The following ITGAM variants were observed in gnomAD, a reference collection of about 807,000 sequenced individuals.
The protein encoded by ITGAM is integrin alpha-M.
A neutral mutation model predicts 137.5 loss-of-function variants in ITGAM; 79 were observed. The ratio of observed to expected loss-of-function variants is 0.57; its 90% CI spans 0.48 to 0.69. The LOEUF is 0.69. Among genes scored for constraint, ITGAM ranks in the 30% least tolerant of loss-of-function variants. ITGAM has a pLI of 0.00. For synonymous variants in ITGAM, 583 were observed against 592.3 expected, an observed-to-expected ratio of 0.98 and a Z score of 0.23; for missense variants, 1,343 against 1,483.5, an observed-to-expected ratio of 0.91 and a Z score of 1.56.
chr16:31,310,049 C>G, intron 14 of ITGAM, among the ~76,000 whole-genome samples: 1 of 150,884 alleles, frequency 6.6e-6, no homozygotes, highest in Admixed American at 6.6e-5. Flanking sequence ...AAGGGAAGCC[C>G]ATCAGACTAG....
In ITGAM at chr16:31,273,431, G is replaced by A. The variant is rs761611533; in HGVS notation, c.771G>A (p.Thr257=). 5.6e-6 allele frequency: 9 copies of A among 1,613,818 alleles called. No individual in the cohort carries two copies. Among genetic ancestry groups the A allele is most frequent in the Admixed American group, 1.7e-5 (1 of 60,004 alleles). Residue 257 remains threonine, a synonymous_variant, in exon 8 of 30, where the codon ACG becomes ACA. Transcript: ENST00000544665. ...KNAFKILVVI[T]DGEKFGDPLG... ...CCTTTAAGATCCTAGTTGTCATCAC[G>A]GATGGAGAAAAGTTTGGCGATCCCT... is the stretch of plus-strand genomic sequence containing the variant.
chr16:31,271,166 C>T lies in ITGAM; in HGVS notation c.558+82C>T, dbSNP rs375911205. On this transcript the variant is annotated intron_variant, in intron 6 of 29. Transcript: ENST00000544665. The stretch of plus-strand genomic sequence containing the variant: ...CAACCGGGCCACCATGTTCTCCTCC[C>T]AGTTCAACTGCAGACATTGCCAAAT... 8.4e-6 allele frequency: 10 copies of T among 1,195,924 alleles called. No individual in the cohort carries two copies. In the East Asian group the frequency reaches 1.7e-4, roughly 20 times the overall value. 74.1% of individuals were successfully genotyped at this position (1,195,924 alleles called of 1,614,324 possible).
At position 31,296,486 on chromosome 16, in the gene ITGAM, A is replaced by G. The variant is rs1467091171; in HGVS notation, c.1357-1028A>G. ...AAAGGCTGAATTTTATTGTATGTAA[A>G]CTCTTCCCCAATAAATCTGACCTAA... On this transcript the variant is annotated intron_variant, in intron 12 of 29. Transcript: ENST00000544665. Among the ~76,000 whole-genome samples the G allele has an allele frequency of 2.0e-5, 3 of 151,656 alleles. No homozygotes were observed. The East Asian group carries it at 5.8e-4, about 29-fold the overall frequency.
In ITGAM at chr16:31,331,173, C is replaced by G; in HGVS notation, c.3285C>G (p.Thr1095=). The G allele has an allele frequency of 6.2e-7, 1 of 1,606,774 alleles. No individual in the cohort carries two copies. Among genetic ancestry groups the G allele is most frequent in the East Asian group, 2.2e-5 (1 of 44,830 alleles). The change falls in exon 29 of 30, where the codon ACC becomes ACG. Residue 1095 remains threonine, a synonymous_variant. Coordinates refer to ENST00000544665, the MANE Select transcript of ITGAM (RefSeq NM_000632.4). ...CCTCCTTCCTCCCCCAGACGGAGAC[C>G]AAAGTGGAGCCGTTCGAGGTCCCCA... The part of the protein sequence containing the change: ...QGAFVRSQTE[T]KVEPFEVPNP...
chr16:31,265,975 G>A (rs1596969220), intron 4 of ITGAM, 55 bp from the exon 5 acceptor site: 1 of 1,591,304 alleles, frequency 6.3e-7, no homozygotes, highest in East Asian at 2.2e-5. Flanking sequence ...TGGAGGTGCT[G>A]GGGTACAAGG....
intron 19 of ITGAM, 39 bp downstream of exon 19, chr16:31,325,070 C>A (rs1426629065): frequency 1.3e-6 from 2 of 1,537,848 alleles, no homozygotes; most frequent in African/African-American, 2.0e-5. Flanking sequence ...CAGAGAAGGA[C>A]CCGTACCATG....
intron 16 of ITGAM, among the ~76,000 whole-genome samples, chr16:31,323,056 GAAAAT>G (rs1485035025): frequency 2.0e-5 from 3 of 151,692 alleles, no homozygotes; most frequent in Admixed American, 2.0e-4. Context: ...GAGAGAGAAA[GAAAAT>G]AGGAAAGATG....
chr16:31,284,056 G>A (rs569447229), intron 12 of ITGAM, among the ~76,000 whole-genome samples: 6 of 152,252 alleles, frequency 3.9e-5, no homozygotes, highest in Non-Finnish European at 8.8e-5. Context: ...ATTACAAAAC[G>A]GCAAATGTTG....
intron 12 of ITGAM, 94 bp from the exon 13 acceptor site, chr16:31,297,420 C>T: frequency 6.6e-7 from 1 of 1,505,398 alleles, no homozygotes; most frequent in Non-Finnish European, 9.2e-7. Context: ...CAGAGGGATT[C>T]CCCCAGCAGG....
Position 31,330,343 on chromosome 16 carries a change from T to C in ITGAM, c.3096T>C (p.Cys1032=), listed in dbSNP as rs751819453. Residue 1032 remains cysteine, a synonymous_variant, in exon 27 of 30, where the codon TGT becomes TGC. Transcript: ENST00000544665. The part of the protein sequence containing the change: ...CSIAVCQRIQ[C]DIPFFGIQEE... The stretch of plus-strand genomic sequence containing the variant: ...TCGCTGTCTGCCAGAGAATCCAGTG[T>C]GACATCCCGTTCTTTGGCATCCAGG... The C allele has an allele frequency of 3.1e-6, 5 of 1,613,998 alleles. No homozygotes were observed. The highest frequency in any genetic ancestry group is 4.2e-6 in the Non-Finnish European group (5 of 1,179,870).
intron 14 of ITGAM, among the ~76,000 whole-genome samples, chr16:31,320,552 G>T (rs1776141184): frequency 6.6e-6 from 1 of 152,006 alleles, no homozygotes; most frequent in Admixed American, 6.6e-5. Flanking sequence ...GATGGTTTTG[G>T]CTTCATTTCC....
At chr16:31,261,200 T>C (rs921237837) in intron 1 of ITGAM, among the ~76,000 whole-genome samples, 16 of 127,126 alleles carry the variant, frequency 1.3e-4, no homozygotes, top group Non-Finnish European at 2.3e-4. Flanking sequence ...GCTGCTATCT[T>C]TTTTTTTTTT....
chr16:31,271,216 C>A, intron 6 of ITGAM, 132 bp downstream of exon 6: 1 of 696,840 alleles, frequency 1.4e-6, no homozygotes, highest in Non-Finnish European at 2.1e-6. Flanking sequence ...GGTTTGCCTT[C>A]CTGAGTCTCT....
At chr16:31,327,201 C>T (rs1028334031) in intron 22 of ITGAM, among the ~76,000 whole-genome samples, 1 of 152,192 alleles carries the variant, frequency 6.6e-6, no homozygotes, top group Non-Finnish European at 1.5e-5. Flanking sequence ...ATTAATCTTG[C>T]ATCCATCTCA....
chr16:31,266,553 C>G (rs1193157330), intron 5 of ITGAM, among the ~76,000 whole-genome samples: 1 of 147,688 alleles, frequency 6.8e-6, no homozygotes, highest in Non-Finnish European at 1.5e-5. Flanking sequence ...AGATCCCCGT[C>G]TCTACAAAAA....
At position 31,330,528 on chromosome 16, in the gene ITGAM, G is replaced by T. The variant is rs374690908; in HGVS notation, c.3199G>T (p.Val1067Leu). 1.9e-6 allele frequency: 3 copies of T among 1,613,622 alleles called. No homozygotes were observed. Among genetic ancestry groups the T allele is most frequent in the Non-Finnish European group, 2.5e-6 (3 of 1,179,692 alleles). The change falls in exon 28 of 30, where the codon GTG becomes TTG. Residue 1067 changes from valine to leucine, a missense_variant. By Grantham distance (32) the Val-to-Leu change is conservative (BLOSUM62 1). Coordinates refer to ENST00000544665, the MANE Select transcript of ITGAM (RefSeq NM_000632.4). ...GACCTCGCATAACCACCTCCTGATC[G>T]TGAGCACAGCTGAGATCTTGTTTAA... ...IKTSHNHLLI[V>L]STAEILFNDS... is the part of the protein sequence containing the mutation.
rs142290485 is a variant in ITGAM at position 31,264,360 on chromosome 16, A to G, written c.135-1035A>G. Among the ~76,000 whole-genome samples the G allele has an allele frequency of 1.8e-3, 267 of 152,154 alleles. 3 individuals are homozygous for G. The highest frequency in any genetic ancestry group is 1.4e-3 in the Non-Finnish European group (95 of 67,976). The stretch of plus-strand genomic sequence containing the variant: ...TACTCAGGAGGTTGAGACAGGAGGA[A>G]TGCTTGAACCTGGGAGGCAGAGGTT... On this transcript the variant is annotated intron_variant, in intron 2 of 29. Transcript: ENST00000544665.
intron 28 of ITGAM, 100 bp from the exon 29 acceptor site, chr16:31,331,065 G>A (rs937545885): frequency 1.7e-5 from 11 of 656,570 alleles, no homozygotes; most frequent in African/African-American, 1.6e-4. Flanking sequence ...GGGGACATGA[G>A]GAGGGGTTCC....
chr16:31,327,340 A>G (rs1261212319), intron 22 of ITGAM, among the ~76,000 whole-genome samples: 1 of 151,992 alleles, frequency 6.6e-6, no homozygotes, highest in Non-Finnish European at 1.5e-5. Context: ...TAATCCCAGC[A>G]CTTTGGGAGG....
Sources: gnomAD v4.1 joint callset for allele counts (sites outside exome capture counted in the v4.1 genomes callset) on GRCh38, gnomAD v4.1.1 for gene constraint, MANE v1.5 for transcripts, NCBI Gene and HGNC (gene_info 2026-07-23, HGNC 2026-07-21) for gene names.